The following TRIM36 variants were observed in gnomAD, a reference collection of about 807,000 sequenced individuals.
TRIM36 encodes E3 ubiquitin-protein ligase TRIM36.
Under a neutral mutation model 72.4 loss-of-function variants are expected in TRIM36, and 42 were observed. The ratio of observed to expected loss-of-function variants is 0.58; its 90% CI spans 0.45 to 0.75. The LOEUF is 0.75. TRIM36 is among the 30% of genes least tolerant of loss of function. The probability of loss-of-function intolerance (pLI) is 0.00; values close to 1 mark genes in which losing one functional copy is unlikely to be tolerated. For synonymous variants in TRIM36, 315 were observed against 282.8 expected, an observed-to-expected ratio of 1.11 and a Z score of -1.14; for missense variants, 913 against 857.1, an observed-to-expected ratio of 1.07 and a Z score of -0.81.
chr5:115,163,086 T>C (rs1430719163), intron 2 of TRIM36, among the ~76,000 whole-genome samples: 1 of 151,924 alleles, frequency 6.6e-6, no homozygotes, highest in African/African-American at 2.4e-5. Flanking sequence ...GACTCCCAGG[T>C]AGCTGGGGTT....
chr5:115,141,457 A>T (rs1197604170), intron 4 of TRIM36, 83 bp from the exon 5 acceptor site: 3 of 738,704 alleles, frequency 4.1e-6, no homozygotes, highest in East Asian at 5.8e-5. Context: ...ATTACACAGG[A>T]CTCATCCTCT....
chr5:115,155,421 T>C (rs1754123458), intron 2 of TRIM36, among the ~76,000 whole-genome samples: 1 of 152,124 alleles, frequency 6.6e-6, no homozygotes, highest in Non-Finnish European at 1.5e-5. Context: ...CTTAACAAAA[T>C]ACTAGCTAAC....
chr5:115,155,195 A>C (rs1580685802), intron 2 of TRIM36, among the ~76,000 whole-genome samples: 1 of 132,828 alleles, frequency 7.5e-6, no homozygotes, highest in African/African-American at 2.6e-5. Context: ...GTTTAAAAAA[A>C]TAATTAGCCA....
At chr5:115,179,159 C>T (rs1755487778) in intron 1 of TRIM36, among the ~76,000 whole-genome samples, 1 of 152,234 alleles carries the variant, frequency 6.6e-6, no homozygotes, top group African/African-American at 2.4e-5. Context: ...AGCCTCCGTA[C>T]TTCCCGACAC....
At chr5:115,147,795 G>T (rs535316868) in intron 2 of TRIM36, among the ~76,000 whole-genome samples, 8 of 152,276 alleles carry the variant, frequency 5.3e-5, no homozygotes, top group Admixed American at 2.0e-4. Context: ...TTTGCTGACT[G>T]ACAGGAAATG....
intron 5 of TRIM36, among the ~76,000 whole-genome samples, chr5:115,140,240 G>A (rs749473636): frequency 1.5e-4 from 23 of 152,086 alleles, no homozygotes; most frequent in Admixed American, 5.9e-4. Context: ...CATACTAGCT[G>A]GGATATTTTT....
chr5:115,162,450 A>G (rs11745636), intron 2 of TRIM36, among the ~76,000 whole-genome samples: 43,259 of 152,118 alleles, frequency 0.28, 6,266 homozygotes, highest in Middle Eastern at 0.35. Flanking sequence ...ACAGAGTACC[A>G]TGTCAGGTAA....
chr5:115,180,057 C>T, exon 1 of TRIM36: 1 of 1,610,544 alleles, frequency 6.2e-7, no homozygotes, highest in Non-Finnish European at 8.5e-7. Flanking sequence ...CCTTCACAAA[C>T]TCTGGAGGAC....
At chr5:115,141,193 A>C in intron 5 of TRIM36, 86 bp downstream of exon 5, 2 of 997,140 alleles carry the variant, frequency 2.0e-6, no homozygotes, top group Non-Finnish European at 3.0e-6. Flanking sequence ...AGCTCATATA[A>C]TACTCTCAGG....
At chr5:115,173,917 G>A (rs891348321), upstream of TRIM36, among the ~76,000 whole-genome samples, 24 of 151,896 alleles carry the variant, frequency 1.6e-4, no homozygotes, top group African/African-American at 5.1e-4. Context: ...TCTACTTCTG[G>A]TATTACTTAA....
chr5:115,169,768 A>T lies in TRIM36; in HGVS notation c.-134T>A. 1 of 1,342,476 alleles carries T rather than the reference A, an allele frequency of 7.4e-7. No homozygotes were observed. Among genetic ancestry groups the T allele is most frequent in the Non-Finnish European group, 9.6e-7 (1 of 1,037,936 alleles). 83.2% of individuals were successfully genotyped at this position (1,342,476 alleles called of 1,614,324 possible). ...GCTGGAAGATGAGCTGGTCAGCTGTACGTGGCCAGCGGACCGACGCGGGGA... is the reference window on the plus strand; with the variant it reads ...GCTGGAAGATGAGCTGGTCAGCTGTTCGTGGCCAGCGGACCGACGCGGGGA... On this transcript the variant is annotated 5_prime_UTR_variant, in exon 1 of 10. Transcript: ENST00000513154.
chr5:115,157,175 G>A (rs941110269), intron 2 of TRIM36, among the ~76,000 whole-genome samples: 3 of 151,680 alleles, frequency 2.0e-5, no homozygotes, highest in South Asian at 2.1e-4. Flanking sequence ...AGATGTTGGC[G>A]TGGATGCAGT....
intron 1 of TRIM36, among the ~76,000 whole-genome samples, chr5:115,165,568 A>C (rs971927147): frequency 8.5e-5 from 13 of 152,190 alleles, no homozygotes; most frequent in African/African-American, 2.9e-4. Flanking sequence ...ACAGGGCACC[A>C]AGTCCCAGTG....
chr5:115,179,832 C>A lies in TRIM36; in HGVS notation c.63+143G>T, dbSNP rs1225395810. 3 of 730,498 alleles carry A rather than the reference C, an allele frequency of 4.1e-6. No homozygotes were observed. In the Admixed American group the frequency reaches 8.1e-5, roughly 20 times the overall value. The allele number at this position is 730,498 out of a possible 1,614,324, so 45.3% of individuals were successfully genotyped here. On this transcript the variant is annotated intron_variant, in intron 1 of 9. Coordinates refer to the TRIM36 transcript ENST00000282369. Reference sequence around the variant, plus strand: ...ACTTTGCATTCCGCAGCTGCTGGGACGCCCGGGCTGCGAGCGCGGCTCCTG... The same window carrying A: ...ACTTTGCATTCCGCAGCTGCTGGGAAGCCCGGGCTGCGAGCGCGGCTCCTG...
intron 2 of TRIM36, chr5:115,153,669 C>G (rs1260560250): frequency 6.6e-6 from 1 of 152,348 alleles, no homozygotes; most frequent in Non-Finnish European, 1.5e-5. Context: ...CCAGGCCCAG[C>G]TAATTTTTGT....
chr5:115,144,644 G>C lies in TRIM36; in HGVS notation c.689C>G (p.Ala230Gly). The change falls in exon 4 of 10, where the codon GCC (alanine) becomes GGC (glycine). Residue 230 changes from alanine to glycine, a missense_variant. Physicochemically the swap from Ala to Gly is moderately conservative, Grantham distance 60. Coordinates refer to ENST00000513154, the MANE Select transcript of TRIM36 (RefSeq NM_001300759.2). ...CHLCKLGGNH[A>G]NHRVTTMSSA... ...GCTCATAGTGGTTACACGGTGGTTG[G>C]CATGATTACCACCCAACTTACACAG... 2 of 1,614,092 alleles carry C rather than the reference G, an allele frequency of 1.2e-6. No homozygotes were observed. Among genetic ancestry groups the C allele is most frequent in the Non-Finnish European group, 1.7e-6 (2 of 1,180,016 alleles).
intron 7 of TRIM36, among the ~76,000 whole-genome samples, chr5:115,136,221 T>TA (rs1752957264): frequency 3.3e-5 from 5 of 151,972 alleles, no homozygotes; most frequent in Admixed American, 2.6e-4. Context: ...GAAATTAAAT[T>TA]AAAATCAGGT....
upstream of TRIM36, chr5:115,174,431 AT>A (rs1466198489): frequency 1.3e-5 from 2 of 152,240 alleles, no homozygotes; most frequent in African/African-American, 4.8e-5. Context: ...TTTCCAGTAG[AT>A]TGGCACACGG....
At chr5:115,147,041 A>T (rs1289836263) in intron 3 of TRIM36, 28 bp downstream of exon 3, 10 of 1,567,328 alleles carry the variant, frequency 6.4e-6, no homozygotes, top group Non-Finnish European at 7.0e-6. Context: ...TTAAAATAAC[A>T]TTCTAACTTA....
Sources: allele counts gnomAD v4.1 joint callset (sites outside exome capture counted in the v4.1 genomes callset), GRCh38; gene constraint gnomAD v4.1.1; transcripts MANE v1.5; gene names NCBI Gene and HGNC (gene_info 2026-07-23, HGNC 2026-07-21).